UBAC2: variants seen among roughly 807,000 people sequenced by gnomAD.
The protein encoded by UBAC2 is UBA domain containing 2, also known as ubiquitin-associated domain-containing protein 2.
In UBAC2, 26 loss-of-function variants were observed where a neutral mutation model predicts 44.0. The observed-to-expected ratio is 0.59, with a 90% CI of 0.43 to 0.82. UBAC2 has a LOEUF of 0.82. UBAC2 is among the 40% of genes least tolerant of loss of function. The pLI is 0.00. For synonymous variants in UBAC2, 155 were observed against 154.3 expected, an observed-to-expected ratio of 1.00 and a Z score of -0.04; for missense variants, 329 against 419.4, an observed-to-expected ratio of 0.78 and a Z score of 1.88.
At chr13:99,232,011 T>C (rs2043178559) in intron 1 of UBAC2, among the ~76,000 whole-genome samples, 1 of 152,222 alleles carries the variant, frequency 6.6e-6, no homozygotes, top group East Asian at 1.9e-4. Context: ...ATCAGAGCTA[T>C]GCAGAAATGA....
intron 1 of UBAC2, among the ~76,000 whole-genome samples, chr13:99,224,796 G>T (rs1351306551): frequency 6.6e-6 from 1 of 152,172 alleles, no homozygotes; most frequent in Non-Finnish European, 1.5e-5. Context: ...ACTTAAATGT[G>T]CATTGTTATT....
intron 1 of UBAC2, chr13:99,201,258 G>C: frequency 4.2e-6 from 6 of 1,444,164 alleles, no homozygotes; most frequent in Non-Finnish European, 5.4e-6. Flanking sequence ...GCCGGCCCCA[G>C]GCCCTTTGCG....
At chr13:99,348,291 G>A (rs1442132590) in intron 7 of UBAC2, among the ~76,000 whole-genome samples, 2 of 152,234 alleles carry the variant, frequency 1.3e-5, no homozygotes, top group African/African-American at 4.8e-5. Flanking sequence ...GAAGACATGA[G>A]GCTGTACTAG....
At chr13:99,366,770 C>T (rs551029665) in intron 7 of UBAC2, among the ~76,000 whole-genome samples, 2 of 152,214 alleles carry the variant, frequency 1.3e-5, no homozygotes, top group Non-Finnish European at 2.9e-5. Flanking sequence ...CCAAGTGGTC[C>T]TGGGTGAGCA....
At chr13:99,328,750 G>A (rs2044674215) in intron 6 of UBAC2, among the ~76,000 whole-genome samples, 1 of 151,972 alleles carries the variant, frequency 6.6e-6, no homozygotes, top group Admixed American at 6.6e-5. Flanking sequence ...CTCTTTGTTG[G>A]ACATGTTTTA....
At chr13:99,263,874 A>C (rs2043704361) in intron 4 of UBAC2, among the ~76,000 whole-genome samples, 1 of 152,242 alleles carries the variant, frequency 6.6e-6, no homozygotes, top group Non-Finnish European at 1.5e-5. Flanking sequence ...TAAGTTGAAA[A>C]AGCCAGACAT....
chr13:99,214,714 C>T (rs114562238), intron 1 of UBAC2, among the ~76,000 whole-genome samples: 1,754 of 152,208 alleles, frequency 0.012, 41 homozygotes, highest in African/African-American at 0.04. Context: ...CCTCATTGTT[C>T]TCCTTAAGCA....
rs1378923113 is a variant in UBAC2 at position 99,374,474 on chromosome 13, T to A, written c.927+6568T>A. Among the ~76,000 whole-genome samples the A allele has an allele frequency of 2.6e-5, 4 of 152,222 alleles. No homozygotes were observed. The East Asian group carries it at 7.7e-4, about 29-fold the overall frequency. Reference sequence around the variant, plus strand: ...TGACACGTCGTGTGGATTCTGTTTATGTCTCTGAGATATCCATTAGCCCAA... The same window carrying A: ...TGACACGTCGTGTGGATTCTGTTTAAGTCTCTGAGATATCCATTAGCCCAA... On this transcript the variant is annotated intron_variant, in intron 8 of 8. Coordinates refer to ENST00000403766, the MANE Select transcript of UBAC2 (RefSeq NM_001144072.2).
chr13:99,348,900 C>T (rs2045034106), intron 7 of UBAC2, among the ~76,000 whole-genome samples: 1 of 152,170 alleles, frequency 6.6e-6, no homozygotes, highest in Non-Finnish European at 1.5e-5. Context: ...GTAGTCCCAG[C>T]TACTCAGGAG....
At chr13:99,301,988 A>G (rs1001536803) in intron 4 of UBAC2, among the ~76,000 whole-genome samples, 3 of 152,204 alleles carry the variant, frequency 2.0e-5, no homozygotes, top group South Asian at 2.1e-4. Context: ...GCCACTAGCA[A>G]TGACTGGAAT....
intron 4 of UBAC2, among the ~76,000 whole-genome samples, chr13:99,306,402 T>TG (rs1449270845): frequency 4.0e-5 from 6 of 151,682 alleles, no homozygotes; most frequent in African/African-American, 1.2e-4. Flanking sequence ...GTAACTTGTG[T>TG]GTGGGGGGGC....
chr13:99,230,254 A>G (rs2043157593), intron 1 of UBAC2, among the ~76,000 whole-genome samples: 2 of 152,074 alleles, frequency 1.3e-5, no homozygotes, highest in Non-Finnish European at 2.9e-5. Context: ...GCCTGATCTC[A>G]GGAGTTCGAG....
At chr13:99,203,408 G>A (rs373958250) in intron 1 of UBAC2, among the ~76,000 whole-genome samples, 1 of 152,194 alleles carries the variant, frequency 6.6e-6, no homozygotes, top group African/African-American at 2.4e-5. Flanking sequence ...AAAGAAGGAC[G>A]ACACGTGTAC....
chr13:99,314,282 G>A (rs1379551892), intron 5 of UBAC2, 62 bp downstream of exon 5: 2 of 1,184,034 alleles, frequency 1.7e-6, no homozygotes, highest in South Asian at 1.7e-5. Context: ...TTTTTTTTTG[G>A]TCTTTTTCTC....
chr13:99,278,914 A>T (rs1000052114), intron 4 of UBAC2, among the ~76,000 whole-genome samples: 2 of 152,212 alleles, frequency 1.3e-5, no homozygotes, highest in Non-Finnish European at 2.9e-5. Context: ...TGTCAGGCTT[A>T]TGGTTCCTCA....
intron 5 of UBAC2, among the ~76,000 whole-genome samples, chr13:99,314,504 C>T (rs572224409): frequency 8.5e-5 from 13 of 152,160 alleles, no homozygotes; most frequent in Non-Finnish European, 1.3e-4. Flanking sequence ...ATTGCATGTG[C>T]GTACTTTTTA....
intron 4 of UBAC2, among the ~76,000 whole-genome samples, chr13:99,297,924 A>G (rs1199444984): frequency 2.0e-5 from 3 of 151,784 alleles, no homozygotes; most frequent in African/African-American, 4.8e-5. Context: ...CCAACCAATA[A>G]AAAGGTAGTA....
At chr13:99,342,802 C>T (rs1043548370) in intron 7 of UBAC2, among the ~76,000 whole-genome samples, 1 of 151,492 alleles carries the variant, frequency 6.6e-6, no homozygotes, top group African/African-American at 2.4e-5. Context: ...CCAGCAGATC[C>T]ACACGTGTAA....
At chr13:99,261,318 C>T (rs545355729) in intron 4 of UBAC2, among the ~76,000 whole-genome samples, 7 of 152,276 alleles carry the variant, frequency 4.6e-5, no homozygotes, top group Non-Finnish European at 8.8e-5. Flanking sequence ...ACCTTTGTCC[C>T]CTCCTTTCTG....
Sources: gnomAD v4.1 joint callset for allele counts (sites outside exome capture counted in the v4.1 genomes callset) on GRCh38, gnomAD v4.1.1 for gene constraint, MANE v1.5 for transcripts, NCBI Gene and HGNC (gene_info 2026-07-23, HGNC 2026-07-21) for gene names.